MRPS22: variants seen among roughly 807,000 people sequenced by gnomAD.
MRPS22 encodes mitochondrial ribosomal protein S22, also known as small ribosomal subunit protein mS22.
Under a neutral mutation model 44.0 loss-of-function variants are expected in MRPS22, and 30 were observed. The observed-to-expected ratio is 0.68, with a 90% CI of 0.51 to 0.93. The LOEUF (loss-of-function observed/expected upper bound fraction) is 0.93. Ranked by LOEUF, MRPS22 falls within the 40% of genes least tolerant of loss-of-function variation. MRPS22 has a pLI of 0.00. For synonymous variants in MRPS22, 165 were observed against 154.4 expected (o/e 1.07, Z -0.51); for missense variants, 447 against 447.8 (o/e 1.00, Z 0.02).
intron 5 of MRPS22, 172 bp from the exon 6 acceptor site, chr3:139,352,475 G>T (rs1941169573): frequency 3.3e-6 from 2 of 598,596 alleles, no homozygotes; most frequent in African/African-American, 1.8e-5. Flanking sequence ...ACCTAAGGTG[G>T]GTTGTACTAG....
chr3:139,347,463 G>A (rs368417000), intron 2 of MRPS22, among the ~76,000 whole-genome samples: 5 of 152,154 alleles, frequency 3.3e-5, no homozygotes, highest in Admixed American at 6.5e-5. Flanking sequence ...TGAGTGCTGC[G>A]TGGAAAACAC....
At chr3:139,350,456 T>C (rs1941124685) in intron 4 of MRPS22, 134 bp downstream of exon 4, 2 of 1,032,840 alleles carry the variant, frequency 1.9e-6, no homozygotes, top group Non-Finnish European at 2.8e-6. Flanking sequence ...AAATGGAGTT[T>C]CGCTCCTTTT....
Position 139,346,912 on chromosome 3 carries a change from A to G in MRPS22, c.207A>G (p.Thr69=), listed in dbSNP as rs766406340. 5 of 1,614,032 alleles carry G rather than the reference A, an allele frequency of 3.1e-6. No individual in the cohort carries two copies. The highest frequency in any genetic ancestry group is 3.4e-6 in the Non-Finnish European group (4 of 1,180,006). Residue 69 remains threonine (T), a synonymous_variant, in exon 2 of 8, where the codon ACA becomes ACG. Coordinates refer to ENST00000680020, the MANE Select transcript of MRPS22 (RefSeq NM_020191.4). ...ESGSPETKKP[T]FMDEEVQSIL... ...GTAGCCCAGAGACCAAGAAACCTACATTTATGGATGAGGAAGTTCAAAGCA... is the reference window on the plus strand; with the variant it reads ...GTAGCCCAGAGACCAAGAAACCTACGTTTATGGATGAGGAAGTTCAAAGCA...
chr3:139,349,238 A>T (rs1275541591), intron 3 of MRPS22: 1 of 432,422 alleles, frequency 2.3e-6, no homozygotes, highest in Admixed American at 2.7e-5. Flanking sequence ...GGAGAAAGGA[A>T]CTTGGAATTC....
intron 2 of MRPS22, 149 bp downstream of exon 2, chr3:139,347,193 T>G: frequency 1.0e-6 from 1 of 958,128 alleles, no homozygotes; most frequent in Non-Finnish European, 1.6e-6. Flanking sequence ...GAAATGTGAG[T>G]AGGCTGCCAG....
Position 139,344,209 on chromosome 3 carries a change from T to C in MRPS22, c.172+11T>C, listed in dbSNP as rs374112977. On this transcript the variant is annotated intron_variant, in intron 1 of 7. Transcript: ENST00000680020. ...TCAGCTCCGAGGCCGGTAAGTGACC[T>C]TCCGGACTTTCGCTGGGGCGTTCTT... 3.3e-5 allele frequency: 52 copies of C among 1,596,850 alleles called. 1 individual carries two copies. The highest frequency in any genetic ancestry group is 2.0e-4 in the Middle Eastern group (1 of 5,066).
chr3:139,350,155 C>T, intron 3 of MRPS22, 24 bp from the exon 4 acceptor site: 1 of 1,613,802 alleles, frequency 6.2e-7, no homozygotes, highest in East Asian at 2.2e-5. Flanking sequence ...CAAACGCATC[C>T]TTGATTATGT....
intron 5 of MRPS22, chr3:139,352,407 T>C: frequency 2.2e-6 from 1 of 446,576 alleles, no homozygotes; most frequent in Non-Finnish European, 4.2e-6. Context: ...GTGTTGGGAT[T>C]ATAGGCATGA....
intron 7 of MRPS22, among the ~76,000 whole-genome samples, chr3:139,356,242 C>A (rs1576366197): frequency 6.6e-6 from 1 of 152,208 alleles, no homozygotes; most frequent in East Asian, 1.9e-4. Flanking sequence ...GCTTGTATAT[C>A]ATCAAGCCTT....
chr3:139,353,551 C>CA (rs1178242716), intron 6 of MRPS22, among the ~76,000 whole-genome samples: 1 of 152,136 alleles, frequency 6.6e-6, no homozygotes, highest in Non-Finnish European at 1.5e-5. Context: ...TTTTGACTCG[C>CA]AGAGTATCCT....
At chr3:139,348,498 C>T in intron 3 of MRPS22, 174 bp downstream of exon 3, 1 of 660,126 alleles carries the variant, frequency 1.5e-6, no homozygotes, top group Non-Finnish European at 2.7e-6. Context: ...AGACCAGCCC[C>T]ACATCATGGT....
intron 3 of MRPS22, chr3:139,349,548 G>A: frequency 4.7e-6 from 1 of 210,768 alleles, no homozygotes; most frequent in South Asian, 6.0e-5. Flanking sequence ...ATATCTGAGG[G>A]ATGCCAAAAA....
chr3:139,355,935 C>T (rs1941247918), intron 7 of MRPS22, 145 bp downstream of exon 7: 6 of 722,488 alleles, frequency 8.3e-6, no homozygotes, highest in South Asian at 3.0e-5. Flanking sequence ...GATTTGTCCC[C>T]ATATTTCTTC....
At chr3:139,352,316 T>C (rs1223256152) in intron 5 of MRPS22, 2 of 273,376 alleles carry the variant, frequency 7.3e-6, no homozygotes, top group African/African-American at 4.4e-5. Flanking sequence ...TTCTGTGGCC[T>C]GCCATGCCCA....
rs776421496 is a variant in MRPS22, at chr3:139,355,772, G to C, written c.969G>C (p.Glu323Asp). The part of the protein sequence containing the change: ...SAQGAKDQAA[E>D]GINLIKVFAK... Reference sequence around the variant, plus strand: ...AAGGGGCCAAGGATCAGGCTGCTGAGGGAATAAATTTAATCAAGGTAAAGT... The same window carrying C: ...AAGGGGCCAAGGATCAGGCTGCTGACGGAATAAATTTAATCAAGGTAAAGT... Residue 323 changes from glutamate (E) to aspartate (D), a missense_variant, in exon 7 of 8, where the codon GAG (glutamate) becomes GAC (aspartate). Transcript: ENST00000680020. 1.2e-6 allele frequency: 2 copies of C among 1,613,972 alleles called. No individual in the cohort carries two copies. Among genetic ancestry groups the C allele is most frequent in the Non-Finnish European group, 8.5e-7 (1 of 1,179,872 alleles).
At chr3:139,345,438 GTTTTTTTTTTTGTTTT>G (rs1467963543) in intron 1 of MRPS22, among the ~76,000 whole-genome samples, 2 of 121,646 alleles carry the variant, frequency 1.6e-5, no homozygotes, top group Admixed American at 1.9e-4. Context: ...TGCCAGTGGT[GTTTTTTTTTTTGTTTT>G]TTTTTTTTTT....
intron 5 of MRPS22, 150 bp from the exon 6 acceptor site, chr3:139,352,497 A>C: frequency 4.4e-6 from 3 of 685,148 alleles, no homozygotes; most frequent in East Asian, 2.8e-5. Context: ...AATGGTTTAA[A>C]TCATACCAAT....
chr3:139,344,051 T>G lies in MRPS22; in HGVS notation c.25T>G (p.Leu9Val). 1 of 1,614,216 alleles carries G rather than the reference T, an allele frequency of 6.2e-7. No individual in the cohort carries two copies. The highest frequency in any genetic ancestry group is 8.5e-7 in the Non-Finnish European group (1 of 1,180,040). Residue 9 changes from leucine (L) to valine (V), a missense_variant, in exon 1 of 8, where the codon TTG becomes GTG. By Grantham distance (32) the Leu-to-Val change is conservative. Coordinates refer to ENST00000680020, the MANE Select transcript of MRPS22 (RefSeq NM_020191.4). MAPLGTTV[L>V]LWSLLRSSPG... Reference sequence around the variant, plus strand: ...CATGGCGCCCCTCGGAACAACTGTATTGCTGTGGAGCCTCTTGAGGAGTTC... The same window carrying G: ...CATGGCGCCCCTCGGAACAACTGTAGTGCTGTGGAGCCTCTTGAGGAGTTC...
At chr3:139,346,724 A>G (rs1941044041) in intron 1 of MRPS22, 154 bp from the exon 2 acceptor site, 2 of 723,260 alleles carry the variant, frequency 2.8e-6, no homozygotes, top group East Asian at 5.4e-5. Context: ...TCTTAAATGA[A>G]GAAATAAATG....
Sources: allele counts gnomAD v4.1 joint callset (sites outside exome capture counted in the v4.1 genomes callset), GRCh38; gene constraint gnomAD v4.1.1; transcripts MANE v1.5; gene names NCBI Gene and HGNC (gene_info 2026-07-23, HGNC 2026-07-21).